NEK11: variants seen among roughly 807,000 people sequenced by gnomAD.
The protein encoded by NEK11 is serine/threonine-protein kinase Nek11.
A neutral mutation model predicts 80.7 loss-of-function variants in NEK11; 72 were observed. The observed-to-expected ratio is 0.89, with a 90% CI of 0.74 to 1.08. The LOEUF (loss-of-function observed/expected upper bound fraction) is 1.08. Among genes scored for constraint, NEK11 ranks in the 50% least tolerant of loss-of-function variants. NEK11 has a pLI of 0.00. For synonymous variants in NEK11, 251 were observed against 260.7 expected (o/e 0.96, Z 0.36); for missense variants, 764 against 763.6 (o/e 1.00, Z -0.01).
chr3:131,253,726 G>T (rs1019106886), intron 16 of NEK11, among the ~76,000 whole-genome samples: 1 of 152,132 alleles, frequency 6.6e-6, no homozygotes, highest in South Asian at 2.1e-4. Context: ...TGTTGGGTGT[G>T]TACTGGGGTA....
At chr3:131,121,004 G>A (rs184795758) in intron 5 of NEK11, among the ~76,000 whole-genome samples, 18 of 152,254 alleles carry the variant, frequency 1.2e-4, no homozygotes, top group East Asian at 5.8e-4. Context: ...GTCATTCTTC[G>A]TCCAGCTTTG....
At chr3:131,334,034 C>G (rs1414400020) in intron 17 of NEK11, among the ~76,000 whole-genome samples, 1 of 152,050 alleles carries the variant, frequency 6.6e-6, no homozygotes, top group Non-Finnish European at 1.5e-5. Flanking sequence ...CTTTAACACC[C>G]CACTGTCAAC....
At chr3:131,203,284 A>G (rs2094312140) in intron 14 of NEK11, among the ~76,000 whole-genome samples, 2 of 152,006 alleles carry the variant, frequency 1.3e-5, no homozygotes, top group South Asian at 4.2e-4. Context: ...TTGTAGGGAC[A>G]TGGATGAAGC....
intron 3 of NEK11, among the ~76,000 whole-genome samples, chr3:131,062,641 T>G (rs1283926503): frequency 2.0e-5 from 3 of 152,234 alleles, no homozygotes; most frequent in African/African-American, 7.2e-5. Flanking sequence ...GGTAAGTCTT[T>G]TCTAGCGTTT....
At chr3:131,268,869 C>G (rs2096118489) in intron 16 of NEK11, among the ~76,000 whole-genome samples, 1 of 152,232 alleles carries the variant, frequency 6.6e-6, no homozygotes, top group Non-Finnish European at 1.5e-5. Flanking sequence ...TGTGCCACAG[C>G]CTCCCCTTCC....
intron 17 of NEK11, among the ~76,000 whole-genome samples, chr3:131,292,102 T>C (rs2096549849): frequency 6.6e-6 from 1 of 152,192 alleles, no homozygotes; most frequent in South Asian, 2.1e-4. Context: ...TTGTGAAGGG[T>C]GTAAGGTCTG....
chr3:131,055,624 G>A (rs2110119922), intron 3 of NEK11, among the ~76,000 whole-genome samples: 1 of 152,158 alleles, frequency 6.6e-6, no homozygotes, highest in Middle Eastern at 3.4e-3. Flanking sequence ...TAGCTACTGG[G>A]GAGGCTGAGG....
At chr3:131,244,044 A>C (rs897022609) in intron 16 of NEK11, among the ~76,000 whole-genome samples, 1 of 152,028 alleles carries the variant, frequency 6.6e-6, no homozygotes, top group Non-Finnish European at 1.5e-5. Context: ...ACACTCTAGC[A>C]CTAGATGATA....
Position 131,100,422 on chromosome 3 carries a change from C to T in NEK11, c.337-9381C>T, listed in dbSNP as rs577594728. Among the ~76,000 whole-genome samples, 8 of 152,028 alleles carry T rather than the reference C, an allele frequency of 5.3e-5. No homozygotes were observed. In the East Asian group the frequency reaches 1.2e-3, roughly 22 times the overall value. On this transcript the variant is annotated intron_variant, in intron 4 of 17. Coordinates refer to ENST00000383366, the MANE Select transcript of NEK11 (RefSeq NM_024800.5). ...TAGTCTGGCCAACATGGTGAAATCC[C>T]GTCTCTACTAAAAATATAAAAAATT...
rs545046005 is a variant in NEK11, at chr3:131,128,486, C to T, written c.456-4259C>T. Reference sequence around the variant, plus strand: ...TCCATGTCTTTTCATGCCTTAATAGCTCATATCTTCTTAGCACTAAATAAT... The same window carrying T: ...TCCATGTCTTTTCATGCCTTAATAGTTCATATCTTCTTAGCACTAAATAAT... On this transcript the variant is annotated intron_variant, in intron 5 of 17. Transcript: ENST00000383366. Among the ~76,000 whole-genome samples the T allele has an allele frequency of 7.9e-5, 12 of 152,250 alleles. No individual in the cohort carries two copies. The South Asian group carries it at 1.9e-3, about 24-fold the overall frequency.
At chr3:131,348,406 T>G (rs2097398795) in intron 17 of NEK11, among the ~76,000 whole-genome samples, 2 of 151,966 alleles carry the variant, frequency 1.3e-5, no homozygotes, top group African/African-American at 4.8e-5. Flanking sequence ...GCCCTTGAGT[T>G]AAGTGGGTAG....
At chr3:131,259,621 A>T (rs1472149458) in intron 16 of NEK11, among the ~76,000 whole-genome samples, 1 of 152,140 alleles carries the variant, frequency 6.6e-6, no homozygotes, top group Non-Finnish European at 1.5e-5. Flanking sequence ...TTGAGCAGTG[A>T]TGAAGGCCTG....
At chr3:131,260,757 G>A (rs1371445221) in intron 16 of NEK11, among the ~76,000 whole-genome samples, 1 of 152,110 alleles carries the variant, frequency 6.6e-6, no homozygotes, top group African/African-American at 2.4e-5. Context: ...GCAAAGAGTG[G>A]TATCAGTCAA....
rs1258277821 is a variant in NEK11, at chr3:131,328,096, AAACATAGC to A, written c.1719-21458_1719-21451del. ...GCTAGGAGTTTGAGACCAGCCTGGG[AAACATAGC>A]AAGACACCCTTGTCTCTACAGAATT... On this transcript the variant is annotated intron_variant, in intron 17 of 17. Coordinates refer to ENST00000383366, the MANE Select transcript of NEK11 (RefSeq NM_024800.5). Among the ~76,000 whole-genome samples, 10 of 152,080 alleles carry A rather than the reference AAACATAGC, an allele frequency of 6.6e-5. No individual in the cohort carries two copies. In the South Asian group the frequency reaches 1.2e-3, roughly 19 times the overall value.
intron 17 of NEK11, among the ~76,000 whole-genome samples, chr3:131,299,350 G>C (rs1444971591): frequency 6.6e-6 from 1 of 152,048 alleles, no homozygotes; most frequent in Non-Finnish European, 1.5e-5. Flanking sequence ...TTACAGGTGT[G>C]TGCCATCACA....
At chr3:131,228,467 A>G in intron 14 of NEK11, 61 bp from the exon 15 acceptor site, 3 of 1,438,474 alleles carry the variant, frequency 2.1e-6, no homozygotes, top group Non-Finnish European at 2.8e-6. Flanking sequence ...AAGATACAGT[A>G]TTCTTACCTC....
intron 14 of NEK11, among the ~76,000 whole-genome samples, chr3:131,225,321 G>A (rs1437611991): frequency 6.6e-6 from 1 of 152,172 alleles, no homozygotes; most frequent in Non-Finnish European, 1.5e-5. Flanking sequence ...ACATAGATGT[G>A]TAGTAGGTTA....
intron 17 of NEK11, among the ~76,000 whole-genome samples, chr3:131,305,175 G>A (rs1385419378): frequency 6.6e-6 from 1 of 151,722 alleles, no homozygotes; most frequent in Admixed American, 6.6e-5. Flanking sequence ...GGGAGGGAGG[G>A]AAGGTCTGTC....
chr3:131,195,231 C>T (rs1459333249), intron 14 of NEK11, among the ~76,000 whole-genome samples: 1 of 152,110 alleles, frequency 6.6e-6, no homozygotes, highest in Non-Finnish European at 1.5e-5. Context: ...CTATAAGGCC[C>T]CTGCCTGCTT....
Sources: gnomAD v4.1 joint callset for allele counts (sites outside exome capture counted in the v4.1 genomes callset) on GRCh38, gnomAD v4.1.1 for gene constraint, MANE v1.5 for transcripts, NCBI Gene and HGNC (gene_info 2026-07-23, HGNC 2026-07-21) for gene names.